The following TACR1 variants were observed in gnomAD, a reference collection of about 807,000 sequenced individuals.
TACR1 encodes the protein tachykinin receptor 1.
TACR1 carries 25 observed loss-of-function variants against 35.8 expected under a neutral mutation model. The observed-to-expected ratio is 0.70, with a 90% CI of 0.51 to 0.98. The LOEUF (loss-of-function observed/expected upper bound fraction) is 0.98, where lower values mean the gene tolerates loss of function less well. TACR1 is among the 50% of genes least tolerant of loss of function. TACR1 has a pLI of 0.00. For synonymous variants in TACR1, 195 were observed against 206.7 expected, an observed-to-expected ratio of 0.94 and a Z score of 0.48; for missense variants, 478 against 522.9, an observed-to-expected ratio of 0.91 and a Z score of 0.84.
chr2:75,176,882 C>T (rs187148246), intron 1 of TACR1, among the ~76,000 whole-genome samples: 112 of 152,322 alleles, frequency 7.4e-4, no homozygotes, highest in African/African-American at 2.4e-3. Flanking sequence ...TCCAATATGG[C>T]TCCAAACATT....
chr2:75,108,376 A>C (rs1558555786), intron 2 of TACR1, among the ~76,000 whole-genome samples: 1 of 152,206 alleles, frequency 6.6e-6, no homozygotes, highest in Non-Finnish European at 1.5e-5. Context: ...CATGGGGTAC[A>C]TTAAAAATAT....
chr2:75,136,694 C>A (rs777597346), intron 1 of TACR1, among the ~76,000 whole-genome samples: 2 of 152,206 alleles, frequency 1.3e-5, no homozygotes, highest in African/African-American at 4.8e-5. Context: ...GGCGCTTTAA[C>A]TTTTCCATCA....
At chr2:75,093,115 G>A (rs1431255442) in intron 2 of TACR1, among the ~76,000 whole-genome samples, 1 of 152,136 alleles carries the variant, frequency 6.6e-6, no homozygotes, top group African/African-American at 2.4e-5. Flanking sequence ...AAAGGAGAAG[G>A]GGAGAGGAGA....
intron 1 of TACR1, among the ~76,000 whole-genome samples, chr2:75,135,001 A>G (rs1558564606): frequency 5.9e-5 from 9 of 152,190 alleles, no homozygotes; most frequent in Admixed American, 4.6e-4. Flanking sequence ...AGGGCTGCCA[A>G]ACACAGAGCA....
chr2:75,129,165 T>C (rs1448107193), intron 1 of TACR1, among the ~76,000 whole-genome samples: 1 of 152,210 alleles, frequency 6.6e-6, no homozygotes, highest in Admixed American at 6.5e-5. Context: ...ATTGCACTGA[T>C]TGAACTTCAT....
chr2:75,129,579 C>A (rs1674140391), intron 1 of TACR1, among the ~76,000 whole-genome samples: 1 of 152,146 alleles, frequency 6.6e-6, no homozygotes, highest in African/African-American at 2.4e-5. Context: ...ATAGATGTAT[C>A]AAAATATCAC....
intron 1 of TACR1, among the ~76,000 whole-genome samples, chr2:75,131,248 T>C (rs1167696637): frequency 6.6e-6 from 1 of 151,950 alleles, no homozygotes; most frequent in African/African-American, 2.4e-5. Context: ...GCCACCATGC[T>C]TGGCTAATTT....
intron 1 of TACR1, among the ~76,000 whole-genome samples, chr2:75,136,048 G>T (rs762347771): frequency 7.2e-5 from 11 of 152,212 alleles, no homozygotes; most frequent in Non-Finnish European, 1.6e-4. Context: ...TGAATGTCAG[G>T]ATTGCACAGG....
At chr2:75,136,013 C>T (rs1376435483) in intron 1 of TACR1, among the ~76,000 whole-genome samples, 1 of 152,156 alleles carries the variant, frequency 6.6e-6, no homozygotes, top group Non-Finnish European at 1.5e-5. Context: ...TGGGTCATTG[C>T]CAGAGGATGA....
chr2:75,069,246 A>G (rs573543658), intron 2 of TACR1, among the ~76,000 whole-genome samples: 113 of 152,212 alleles, frequency 7.4e-4, no homozygotes, highest in Non-Finnish European at 1.4e-3. Context: ...TAAATTACGC[A>G]GTCTTGGGTA....
At chr2:75,171,793 G>A (rs144204511) in intron 1 of TACR1, among the ~76,000 whole-genome samples, 96 of 152,268 alleles carry the variant, frequency 6.3e-4, no homozygotes, top group African/African-American at 2.1e-3. Flanking sequence ...ACTTGGAATG[G>A]GTTTATTTAC....
intron 2 of TACR1, among the ~76,000 whole-genome samples, chr2:75,086,853 C>T (rs1396242081): frequency 6.6e-6 from 1 of 152,134 alleles, no homozygotes; most frequent in East Asian, 1.9e-4. Flanking sequence ...GGTCATATTT[C>T]CTAGCAGTGG....
At chr2:75,145,115 A>G (rs1284528126) in intron 1 of TACR1, among the ~76,000 whole-genome samples, 5 of 152,190 alleles carry the variant, frequency 3.3e-5, no homozygotes, top group African/African-American at 1.2e-4. Context: ...TGTTAATATC[A>G]TTTATTGTAT....
chr2:75,072,232 C>T (rs754007360), intron 2 of TACR1, among the ~76,000 whole-genome samples: 2 of 152,138 alleles, frequency 1.3e-5, no homozygotes, highest in Non-Finnish European at 2.9e-5. Flanking sequence ...CAGTTTCTGT[C>T]TTCTCAGTGA....
intron 1 of TACR1, among the ~76,000 whole-genome samples, chr2:75,121,131 C>G (rs1432529895): frequency 6.6e-6 from 1 of 152,140 alleles, no homozygotes; most frequent in Non-Finnish European, 1.5e-5. Flanking sequence ...TAAAGACTGA[C>G]TTTCATTCTT....
intron 1 of TACR1, among the ~76,000 whole-genome samples, chr2:75,193,454 A>AAGT (rs1305515357): frequency 6.4e-4 from 97 of 152,268 alleles, no homozygotes; most frequent in African/African-American, 2.3e-3. Context: ...CTTGTCGGGC[A>AAGT]TTCCAACTAA....
chr2:75,131,534 C>T (rs925557915), intron 1 of TACR1, among the ~76,000 whole-genome samples: 3 of 152,066 alleles, frequency 2.0e-5, no homozygotes, highest in Admixed American at 1.3e-4. Context: ...AATATGAATA[C>T]ATTATGATAA....
intron 1 of TACR1, among the ~76,000 whole-genome samples, chr2:75,167,896 C>A (rs534772702): frequency 1.6e-4 from 25 of 152,160 alleles, no homozygotes; most frequent in African/African-American, 6.0e-4. Flanking sequence ...CCATTGTTCA[C>A]TCATCAAATT....
In TACR1 at chr2:75,135,239, A is replaced by G. The variant is rs931575277; in HGVS notation, c.390-14471T>C. ...TACTTATTGCTTTTTCAGCTACTTA[A>G]TCTTTCTTAAAGTGATTTCTTAGAA... On this transcript the variant is annotated intron_variant, in intron 1 of 4. Transcript: ENST00000305249. Among the ~76,000 whole-genome samples the G allele has an allele frequency of 3.0e-4, 45 of 152,140 alleles. 2 individuals are homozygous for G. Among genetic ancestry groups the G allele is most frequent in the Non-Finnish European group, 2.9e-5 (2 of 68,022 alleles).
Sources: allele counts gnomAD v4.1 joint callset (sites outside exome capture counted in the v4.1 genomes callset), GRCh38; gene constraint gnomAD v4.1.1; transcripts MANE v1.5; gene names NCBI Gene and HGNC (gene_info 2026-07-23, HGNC 2026-07-21).